The following OAS3 variants were observed in gnomAD, a reference collection of about 807,000 sequenced individuals.
OAS3 encodes the protein 2'-5'-oligoadenylate synthetase 3.
A neutral mutation model predicts 113.0 loss-of-function variants in OAS3; 107 were observed. That is an observed-to-expected ratio of 0.95 (90% CI 0.81 to 1.11). OAS3 has a LOEUF of 1.11. OAS3 is among the 50% of genes most tolerant of loss of function. OAS3 has a pLI of 0.00. For missense variants in OAS3, 1,258 were observed against 1,389.1 expected (o/e 0.91, Z 1.50); for synonymous variants, 552 against 573.6 (o/e 0.96, Z 0.54).
rs768175729 is a variant in OAS3, at chr12:112,969,720, C to A, written c.3217C>A (p.Arg1073=). The A allele has an allele frequency of 1.1e-5, 17 of 1,613,246 alleles. No individual in the cohort carries two copies. The East Asian group carries it at 3.3e-4, about 32-fold the overall frequency. ...CACATCTGCCCTGTGCTGCATGGGA[C>A]GGAATGGCATCCCCATCCAGCCATG... is the stretch of plus-strand genomic sequence containing the variant. The part of the protein sequence containing the change: ...ACTSALCCMG[R]NGIPIQPWPV... The change falls in exon 15 of 16, where the codon CGG becomes AGG. Residue 1073 remains arginine (R), a synonymous_variant. Coordinates refer to ENST00000228928, the MANE Select transcript of OAS3 (RefSeq NM_006187.4).
chr12:112,970,488 A>C lies in OAS3; in HGVS notation c.*515A>C, dbSNP rs2043975106. On this transcript the variant is annotated 3_prime_UTR_variant, in exon 16 of 16. Coordinates refer to ENST00000228928, the MANE Select transcript of OAS3 (RefSeq NM_006187.4). ...GGCTACCTGGAGCCTTATCTTCTGA[A>C]GGGTTTTAAAGAATGGCCAATTAGC... 1 of 166,186 alleles carries C rather than the reference A, an allele frequency of 6.0e-6. No individual in the cohort carries two copies. Among genetic ancestry groups the C allele is most frequent in the Admixed American group, 5.7e-5 (1 of 17,640 alleles). The allele number at this position is 166,186 out of a possible 1,614,324, so 10.3% of individuals were successfully genotyped here. A position where few individuals can be genotyped will look rare whatever the true frequency, so the allele number is the denominator to read the frequency against.
chr12:112,962,986 C>A, intron 9 of OAS3, 84 bp downstream of exon 9: 1 of 1,564,956 alleles, frequency 6.4e-7, no homozygotes, highest in Non-Finnish European at 8.7e-7. Context: ...AGGAGGAGTC[C>A]AAGGTAGGGT....
intron 6 of OAS3, among the ~76,000 whole-genome samples, chr12:112,949,572 A>G (rs1022495080): frequency 4.6e-5 from 7 of 152,036 alleles, no homozygotes; most frequent in African/African-American, 1.7e-4. Context: ...GAACAATTCA[A>G]GGCCTCTGTA....
At chr12:112,941,357 G>A (rs2043677863) in intron 1 of OAS3, among the ~76,000 whole-genome samples, 1 of 152,028 alleles carries the variant, frequency 6.6e-6, no homozygotes, top group Non-Finnish European at 1.5e-5. Flanking sequence ...CTGTTTCTAT[G>A]GAAAAAAAAT....
In OAS3 at chr12:112,954,753, G is replaced by A. The variant is rs936369559; in HGVS notation, c.1657+3778G>A. The stretch of plus-strand genomic sequence containing the variant: ...GTAGTATAGTTTGAAGTCAGGTAGC[G>A]TGATGCCTCCAGCTTTGTTCTTTTG... On this transcript the variant is annotated intron_variant, in intron 7 of 15. Transcript: ENST00000228928. This position sits in a 1 kb window ranked among gnomAD's most constrained non-coding sequence, Gnocchi z 4.0. Among the ~76,000 whole-genome samples the A allele has an allele frequency of 8.5e-5, 13 of 152,154 alleles. No individual in the cohort carries two copies. Among genetic ancestry groups the A allele is most frequent in the South Asian group, 4.1e-4 (2 of 4,830 alleles).
At chr12:112,961,972 T>C (rs1025657977) in intron 8 of OAS3, among the ~76,000 whole-genome samples, 2 of 152,186 alleles carry the variant, frequency 1.3e-5, no homozygotes, top group Non-Finnish European at 2.9e-5. Flanking sequence ...ATTTTTGTAC[T>C]TTTTGTAGAG....
intron 2 of OAS3, among the ~76,000 whole-genome samples, chr12:112,943,931 G>C (rs2043703703): frequency 6.6e-6 from 1 of 152,046 alleles, no homozygotes; most frequent in Admixed American, 6.5e-5. Flanking sequence ...GACCTCAGGT[G>C]AACCTCCCAC....
intron 8 of OAS3, among the ~76,000 whole-genome samples, chr12:112,961,549 G>C (rs532447853): frequency 6.6e-6 from 1 of 151,632 alleles, no homozygotes; most frequent in Non-Finnish European, 1.5e-5. Flanking sequence ...CCTCCAAGCC[G>C]TTGCTTATGA....
rs1420056134 is a variant in OAS3 at position 112,964,243 on chromosome 12, C to A, written c.2238C>A (p.Leu746=). The part of the protein sequence containing the change: ...SVQPWDVMPA[L]LYQTPAGDLD... ...CTGGATTCTCTCTGCAGCCAGCCCTCCTTTACCAAACCCCAGCTGGGGACC... is the reference window on the plus strand; with the variant it reads ...CTGGATTCTCTCTGCAGCCAGCCCTACTTTACCAAACCCCAGCTGGGGACC... Residue 746 remains leucine, a synonymous_variant, in exon 11 of 16, where the codon CTC becomes CTA. Coordinates refer to ENST00000228928, the MANE Select transcript of OAS3 (RefSeq NM_006187.4). 3.8e-6 allele frequency: 6 copies of A among 1,589,732 alleles called. No individual in the cohort carries two copies. The highest frequency in any genetic ancestry group is 5.1e-6 in the Non-Finnish European group (6 of 1,167,594).
At chr12:112,951,848 A>AG (rs2043796369) in intron 7 of OAS3, among the ~76,000 whole-genome samples, 1 of 116,316 alleles carries the variant, frequency 8.6e-6, no homozygotes, top group Non-Finnish European at 2.0e-5. Flanking sequence ...ACAAAAAAAA[A>AG]AAAAAAAAAA....
In OAS3 at chr12:112,964,304, C is replaced by T. The variant is rs187467512; in HGVS notation, c.2299C>T (p.Arg767Cys). The change falls in exon 11 of 16, where the codon CGC becomes TGC. Residue 767 changes from arginine (R) to cysteine (C), a missense_variant. Arg to Cys is a radical substitution (Grantham distance 180). Coordinates refer to ENST00000228928, the MANE Select transcript of OAS3 (RefSeq NM_006187.4). The part of the protein sequence containing the change: ...KFISEFLQPN[R>C]QFLAQVNKAV... Reference sequence around the variant, plus strand: ...CATCAGTGAATTTCTCCAGCCCAACCGCCAGTTCCTGGCCCAGGTGAACAA... The same window carrying T: ...CATCAGTGAATTTCTCCAGCCCAACTGCCAGTTCCTGGCCCAGGTGAACAA... 1.4e-4 allele frequency: 222 copies of T among 1,608,832 alleles called. 1 individual carries two copies. The East Asian group carries it at 2.9e-3, about 21-fold the overall frequency.
At position 112,948,062 on chromosome 12, in the gene OAS3, G is replaced by A. The variant is rs753286423; in HGVS notation, c.992G>A (p.Arg331Lys). Reference sequence around the variant, plus strand: ...TGCTATGACCACCCATGCTTTCTGAGGGGGATGGGGGACCCAGTGCAGTCT... The same window carrying A: ...TGCTATGACCACCCATGCTTTCTGAAGGGGATGGGGGACCCAGTGCAGTCT... ...ASCYDHPCFL[R>K]GMGDPVQSWK... Residue 331 changes from arginine to lysine, a missense_variant, in exon 5 of 16, where the codon AGG becomes AAG. Coordinates refer to ENST00000228928, the MANE Select transcript of OAS3 (RefSeq NM_006187.4). 3.6e-5 allele frequency: 56 copies of A among 1,576,418 alleles called. 1 individual carries two copies. The South Asian group carries it at 6.4e-4, about 18-fold the overall frequency.
chr12:112,962,513 G>A (rs1468431431), intron 8 of OAS3, 139 bp from the exon 9 acceptor site: 4 of 1,065,846 alleles, frequency 3.8e-6, no homozygotes, highest in Non-Finnish European at 5.5e-6. Flanking sequence ...TTACCCACCT[G>A]TAAAATGAGA....
intron 7 of OAS3, among the ~76,000 whole-genome samples, chr12:112,953,358 G>C (rs2043808238): frequency 6.6e-6 from 1 of 152,186 alleles, no homozygotes; most frequent in Admixed American, 6.5e-5. Context: ...TAGTGTATAT[G>C]TGCCACATTT....
chr12:112,941,434 C>T lies in OAS3; in HGVS notation c.178-136C>T, dbSNP rs1020344827. On this transcript the variant is annotated intron_variant, in intron 1 of 15. Transcript: ENST00000228928. ...GCCTGGCTACCCTGGGCCCACATTCCCGCGTGGCTTCAATGCCTACAGCCA... is the reference window on the plus strand; with the variant it reads ...GCCTGGCTACCCTGGGCCCACATTCTCGCGTGGCTTCAATGCCTACAGCCA... 4 of 865,830 alleles carry T rather than the reference C, an allele frequency of 4.6e-6. No homozygotes were observed. The African/African-American group carries it at 6.7e-5, about 15-fold the overall frequency. 53.6% of individuals were successfully genotyped at this position (865,830 alleles called of 1,614,324 possible). A position where few individuals can be genotyped will look rare whatever the true frequency, so the allele number is the denominator to read the frequency against.
intron 11 of OAS3, 64 bp from the exon 12 acceptor site, chr12:112,965,680 C>A: frequency 6.8e-7 from 1 of 1,479,032 alleles, no homozygotes; most frequent in Non-Finnish European, 9.1e-7. Context: ...TTCTAACTCA[C>A]AGTCCAGAAC....
In OAS3 at chr12:112,965,959, C is replaced by G. The variant is rs1352611813; in HGVS notation, c.2619C>G (p.Phe873Leu). 1 of 1,613,910 alleles carries G rather than the reference C, an allele frequency of 6.2e-7. No individual in the cohort carries two copies. Among genetic ancestry groups the G allele is most frequent in the East Asian group, 2.2e-5 (1 of 44,898 alleles). ...GGGAGAATCCCCGCGTGCTGAGCTT[C>G]TCACTGACATCCCAGACGATGCTGG... Reference protein sequence around the residue: ...SKWENPRVLSFSLTSQTMLDQ... With the variant: ...SKWENPRVLSLSLTSQTMLDQ... The change falls in exon 12 of 16, where the codon TTC becomes TTG. Residue 873 changes from phenylalanine to leucine, a missense_variant. Physicochemically the swap from Phe to Leu is conservative, Grantham distance 22. Transcript: ENST00000228928.
At position 112,963,479 on chromosome 12, in the gene OAS3, G is replaced by A; in HGVS notation, c.2229+22G>A. On this transcript the variant is annotated intron_variant, in intron 10 of 15. Transcript: ENST00000228928. The surrounding 1 kb of genome is among the most constrained non-coding windows in gnomAD (Gnocchi z 4.6). Reference sequence around the variant, plus strand: ...GATGGTAAGATGGAGGGTCCTGGGGGGCAGGGGGCCCTGCACCCTGCCTTC... The same window carrying A: ...GATGGTAAGATGGAGGGTCCTGGGGAGCAGGGGGCCCTGCACCCTGCCTTC... 1.3e-6 allele frequency: 2 copies of A among 1,502,512 alleles called. No individual in the cohort carries two copies. Among genetic ancestry groups the A allele is most frequent in the Non-Finnish European group, 1.8e-6 (2 of 1,119,138 alleles). 93.1% of individuals were successfully genotyped at this position (1,502,512 alleles called of 1,614,324 possible). A position where few individuals can be genotyped will look rare whatever the true frequency, so the allele number is the denominator to read the frequency against.
In OAS3 at chr12:112,964,254, C is replaced by A; in HGVS notation, c.2249C>A (p.Thr750Asn). The change falls in exon 11 of 16, where the codon ACC (threonine) becomes AAC (asparagine). Residue 750 changes from threonine to asparagine, a missense_variant. By Grantham distance (65) the Thr-to-Asn change is moderately conservative. Transcript: ENST00000228928. ...WDVMPALLYQTPAGDLDKFIS... is the reference protein window; with the variant it reads ...WDVMPALLYQNPAGDLDKFIS... ...CTGCAGCCAGCCCTCCTTTACCAAA[C>A]CCCAGCTGGGGACCTTGACAAGTTC... is the stretch of plus-strand genomic sequence containing the variant. 1 of 1,595,124 alleles carries A rather than the reference C, an allele frequency of 6.3e-7. No individual in the cohort carries two copies. The highest frequency in any genetic ancestry group is 8.5e-7 in the Non-Finnish European group (1 of 1,170,406).
Sources: gnomAD v4.1 joint callset for allele counts (sites outside exome capture counted in the v4.1 genomes callset) on GRCh38, gnomAD v4.1.1 for gene constraint, Gnocchi (gnomAD v3.1) non-coding constraint, MANE v1.5 for transcripts, NCBI Gene and HGNC (gene_info 2026-07-23, HGNC 2026-07-21) for gene names.